TXNL4A: variants seen among roughly 807,000 people sequenced by gnomAD.
TXNL4A encodes the protein thioredoxin like 4A.
In TXNL4A, 17 loss-of-function variants were observed where a neutral mutation model predicts 14.6. The ratio of observed to expected loss-of-function variants is 1.16; its 90% confidence interval spans 0.80 to 1.74. The LOEUF is 1.74. Ranked by LOEUF, TXNL4A falls within the 40% of genes most tolerant of loss-of-function variation. The pLI, the probability that TXNL4A is intolerant of heterozygous loss-of-function variation, is 0.00. For missense variants in TXNL4A, 74 were observed against 195.2 expected (o/e 0.38, Z 3.70); for synonymous variants, 83 against 70.6 (o/e 1.18, Z -0.88).
intron 1 of TXNL4A, among the ~76,000 whole-genome samples, chr18:80,008,496 T>C (rs922081952): frequency 6.6e-5 from 10 of 152,228 alleles, no homozygotes; most frequent in African/African-American, 1.9e-4. Flanking sequence ...TCTCTTTTTG[T>C]CTGTCTCTAA....
Position 79,973,523 on chromosome 18 carries a change from AC to A in TXNL4A, c.*161del. The A allele has an allele frequency of 1.2e-6, 1 of 803,400 alleles. No individual in the cohort carries two copies. The highest frequency in any genetic ancestry group is 2.9e-5 in the East Asian group (1 of 34,454). The allele number at this position is 803,400 out of a possible 1,614,324, so 49.8% of individuals were successfully genotyped here. ...AACAAGTAGGCCTGCTCCTCTCACC[AC>A]GTGCTTGTTTATTTCGGTGAGTTAA... On this transcript the variant is annotated 3_prime_UTR_variant, in exon 3 of 3. Transcript: ENST00000269601.
At chr18:80,008,152 G>GT (rs1466258027) in intron 1 of TXNL4A, among the ~76,000 whole-genome samples, 3 of 152,110 alleles carry the variant, frequency 2.0e-5, no homozygotes, top group African/African-American at 7.2e-5. Flanking sequence ...AAAAAAAAAT[G>GT]TTTTTCCGGG....
At chr18:79,987,522 AT>A (rs201328048) in intron 1 of TXNL4A, among the ~76,000 whole-genome samples, 1,557 of 152,334 alleles carry the variant, frequency 0.01, 12 homozygotes, top group Middle Eastern at 0.027. Context: ...CCTTTGCCCT[AT>A]TGCTACAGCT....
chr18:80,025,508 T>C (rs1173659537), intron 1 of TXNL4A, among the ~76,000 whole-genome samples: 1 of 152,206 alleles, frequency 6.6e-6, no homozygotes, highest in East Asian at 1.9e-4. Flanking sequence ...CAGCGTCTCA[T>C]CTGGAAGATG....
At chr18:80,030,040 C>T (rs2051911123) in intron 1 of TXNL4A, among the ~76,000 whole-genome samples, 1 of 152,212 alleles carries the variant, frequency 6.6e-6, no homozygotes, top group Non-Finnish European at 1.5e-5. Context: ...ATTGACTAAT[C>T]TATGTCCCAT....
chr18:79,973,549 A>G lies in TXNL4A; in HGVS notation c.*136T>C, dbSNP rs1390779071. ...CGTGCTTGTTTATTTCGGTGAGTTA[A>G]GACCATGTTATCAATTCCATCTCAG... On this transcript the variant is annotated 3_prime_UTR_variant, in exon 3 of 3. Transcript: ENST00000269601. The G allele has an allele frequency of 8.6e-7, 1 of 1,161,592 alleles. No individual in the cohort carries two copies. The highest frequency in any genetic ancestry group is 2.5e-5 in the East Asian group (1 of 39,804). The allele number at this position is 1,161,592 out of a possible 1,614,324, so 72.0% of individuals were successfully genotyped here. A position where few individuals can be genotyped will look rare whatever the true frequency, so the allele number is the denominator to read the frequency against.
At chr18:80,004,887 C>T (rs528041517) in intron 1 of TXNL4A, among the ~76,000 whole-genome samples, 1 of 152,152 alleles carries the variant, frequency 6.6e-6, no homozygotes, top group African/African-American at 2.4e-5. Context: ...AGCATCAGAA[C>T]TATTGAAGAG....
In TXNL4A at chr18:79,988,558, A is replaced by C; in HGVS notation, c.-166T>G. 4.4e-6 allele frequency: 3 copies of C among 685,724 alleles called. No homozygotes were observed. The highest frequency in any genetic ancestry group is 4.5e-5 in the Admixed American group (1 of 22,070). 42.5% of individuals were successfully genotyped at this position (685,724 alleles called of 1,614,324 possible). On this transcript the variant is annotated 5_prime_UTR_variant, in exon 1 of 3. Coordinates refer to ENST00000269601, the MANE Select transcript of TXNL4A (RefSeq NM_006701.5). ...TCCGCTGGGACTGCCACCCGGCAGA[A>C]CGTCTGGGCGCGCACGCACCGACGC...
chr18:80,010,947 G>A (rs778431997), intron 1 of TXNL4A, among the ~76,000 whole-genome samples: 16 of 152,084 alleles, frequency 1.1e-4, no homozygotes, highest in Non-Finnish European at 1.8e-4. Flanking sequence ...TGTTGGGGAG[G>A]TTGGGCATTG....
intron 1 of TXNL4A, among the ~76,000 whole-genome samples, chr18:80,013,524 T>C (rs1297867447): frequency 1.3e-5 from 2 of 151,988 alleles, no homozygotes; most frequent in African/African-American, 4.8e-5. Context: ...AACCTCTACC[T>C]CCCAGGTTCA....
intron 1 of TXNL4A, among the ~76,000 whole-genome samples, chr18:80,003,723 G>C (rs1462751765): frequency 1.3e-5 from 2 of 152,164 alleles, no homozygotes; most frequent in African/African-American, 4.8e-5. Context: ...CCTGAGAATA[G>C]GTAATTCATA....
intron 1 of TXNL4A, chr18:79,979,738 C>A (rs1001783442): frequency 6.6e-6 from 1 of 152,212 alleles, no homozygotes; most frequent in Non-Finnish European, 1.5e-5. Context: ...TCTTCTGTTA[C>A]TCTCTGATTG....
At position 79,971,072 on chromosome 18, in the gene TXNL4A, G is replaced by C. The variant is rs1205890407; in HGVS notation, c.*2613C>G. On this transcript the variant is annotated 3_prime_UTR_variant, in exon 3 of 3. Coordinates refer to ENST00000269601, the MANE Select transcript of TXNL4A (RefSeq NM_006701.5). Reference sequence around the variant, plus strand: ...AAGCAACCACTAATCCGTCTCTATGGATGTGCCTATTCTAGAAATTCCGTA... The same window carrying C: ...AAGCAACCACTAATCCGTCTCTATGCATGTGCCTATTCTAGAAATTCCGTA... 1.3e-5 allele frequency: 2 copies of C among 153,208 alleles called. No homozygotes were observed. Among genetic ancestry groups the C allele is most frequent in the Non-Finnish European group, 2.9e-5 (2 of 68,718 alleles). 9.5% of individuals were successfully genotyped at this position (153,208 alleles called of 1,614,324 possible).
chr18:80,023,750 G>A (rs2051865295), intron 1 of TXNL4A, among the ~76,000 whole-genome samples: 1 of 152,172 alleles, frequency 6.6e-6, no homozygotes, highest in Non-Finnish European at 1.5e-5. Context: ...CTTCTAGGAA[G>A]TTACAAAAAC....
At chr18:79,977,475 G>C in intron 2 of TXNL4A, 123 bp downstream of exon 2, 2 of 766,374 alleles carry the variant, frequency 2.6e-6, no homozygotes, top group Non-Finnish European at 4.4e-6. Context: ...TGATACAAAC[G>C]ATTTTGGGAC....
In TXNL4A at chr18:79,987,620, A is replaced by G. The variant is rs533986873; in HGVS notation, c.153+620T>C. ...TCTGGTTATAAAATAGTGTCCTACA[A>G]CTTTTATTGTCAGCAAGTAAATGCC... On this transcript the variant is annotated intron_variant, in intron 1 of 2. Transcript: ENST00000269601. Among the ~76,000 whole-genome samples, 16 of 152,336 alleles carry G rather than the reference A, an allele frequency of 1.1e-4. No homozygotes were observed. In the East Asian group the frequency reaches 2.7e-3, roughly 26 times the overall value.
chr18:80,008,536 ATGTTCCC>A (rs1328163427), intron 1 of TXNL4A, among the ~76,000 whole-genome samples: 2 of 151,804 alleles, frequency 1.3e-5, no homozygotes, highest in East Asian at 3.9e-4. Flanking sequence ...CATTGTTTTT[ATGTTCCC>A]TGTTTTTAAT....
chr18:79,977,774 A>G (rs1242895214), intron 1 of TXNL4A, 73 bp from the exon 2 acceptor site: 7 of 1,056,420 alleles, frequency 6.6e-6, no homozygotes, highest in Non-Finnish European at 9.9e-6. Context: ...GCACATTTAT[A>G]AAAACAAAAC....
At chr18:80,023,120 T>C (rs983834623) in intron 1 of TXNL4A, among the ~76,000 whole-genome samples, 2 of 152,228 alleles carry the variant, frequency 1.3e-5, no homozygotes, top group African/African-American at 4.8e-5. Context: ...AAAATTCTTT[T>C]TTTTCTTTAA....
Sources: gnomAD v4.1 joint callset for allele counts (sites outside exome capture counted in the v4.1 genomes callset) on GRCh38, gnomAD v4.1.1 for gene constraint, MANE v1.5 for transcripts, NCBI Gene and HGNC (gene_info 2026-07-23, HGNC 2026-07-21) for gene names.